The following SLC2A12 variants were observed in gnomAD, a reference collection of about 807,000 sequenced individuals.
SLC2A12 encodes the protein solute carrier family 2 member 12.
SLC2A12 carries 23 observed loss-of-function variants against 41.8 expected under a neutral mutation model. The observed-to-expected ratio is 0.55, with a 90% CI of 0.40 to 0.78. The LOEUF is 0.78. Among genes scored for constraint, SLC2A12 ranks in the 30% least tolerant of loss-of-function variants. SLC2A12 has a pLI of 0.00. For synonymous variants in SLC2A12, 295 were observed against 285.9 expected (o/e 1.03, Z -0.32); for missense variants, 654 against 745.6 (o/e 0.88, Z 1.43).
chr6:134,023,777 T>C (rs1564775), intron 2 of SLC2A12, among the ~76,000 whole-genome samples: 17,583 of 152,236 alleles, frequency 0.12, 1,982 homozygotes, highest in African/African-American at 0.29. Context: ...TTTTTAAAGT[T>C]TATCACAGCA....
intron 2 of SLC2A12, among the ~76,000 whole-genome samples, chr6:134,021,774 A>G (rs1777043510): frequency 6.6e-6 from 1 of 152,242 alleles, no homozygotes. Context: ...GAAACACACT[A>G]GTAGTTCATA....
chr6:133,997,655 A>T (rs1302933319), intron 4 of SLC2A12, among the ~76,000 whole-genome samples: 4 of 152,140 alleles, frequency 2.6e-5, no homozygotes, highest in Admixed American at 2.0e-4. Flanking sequence ...TGGAGAGGAG[A>T]GAGATGGAGG....
intron 2 of SLC2A12, among the ~76,000 whole-genome samples, chr6:134,027,161 C>G (rs1562199126): frequency 6.6e-6 from 1 of 152,142 alleles, no homozygotes; most frequent in Non-Finnish European, 1.5e-5. Context: ...TTATCCTTTC[C>G]CCAATATTTG....
chr6:134,052,487 G>A lies in SLC2A12; in HGVS notation c.-7C>T, dbSNP rs766589702. 2 of 1,611,482 alleles carry A rather than the reference G, an allele frequency of 1.2e-6. No individual in the cohort carries two copies. The highest frequency in any genetic ancestry group is 1.7e-6 in the Non-Finnish European group (2 of 1,178,992). On this transcript the variant is annotated 5_prime_UTR_variant, in exon 1 of 5. In the 5' UTR this introduces an upstream ATG that the reference lacks. Transcript: ENST00000275230. ...TGTTTTCAACAGGTACCATGGTCAC[G>A]TAGAAGTTACAGCCGCTTCCCCGCC...
chr6:134,046,854 T>G (rs1304874052), intron 1 of SLC2A12, among the ~76,000 whole-genome samples: 1 of 151,988 alleles, frequency 6.6e-6, no homozygotes, highest in Admixed American at 6.6e-5. Context: ...ATTTAGCAAA[T>G]GCATAAAATA....
At chr6:134,017,589 A>T (rs981366775) in intron 2 of SLC2A12, among the ~76,000 whole-genome samples, 3 of 152,064 alleles carry the variant, frequency 2.0e-5, no homozygotes, top group Admixed American at 2.0e-4. Context: ...ACGGTGACTC[A>T]CGCCTGTAAT....
At chr6:134,013,407 C>A (rs1407649646) in intron 2 of SLC2A12, among the ~76,000 whole-genome samples, 1 of 151,960 alleles carries the variant, frequency 6.6e-6, no homozygotes, top group Non-Finnish European at 1.5e-5. Context: ...ATAATAATTA[C>A]TATAAATGGA....
At position 134,032,473 on chromosome 6, in the gene SLC2A12, T is replaced by A. The variant is rs1337451267; in HGVS notation, c.104-2752A>T. On this transcript the variant is annotated intron_variant, in intron 1 of 4. Transcript: ENST00000275230. ...AAATATATATATATATATTTTTATATATATATATATATATTTGTTCTGTTT... is the reference window on the plus strand; with the variant it reads ...AAATATATATATATATATTTTTATAAATATATATATATATTTGTTCTGTTT... Among the ~76,000 whole-genome samples the A allele has an allele frequency of 3.9e-3, 234 of 59,818 alleles. 15 individuals are homozygous for A. Among genetic ancestry groups the A allele is most frequent in the African/African-American group, 0.011 (215 of 19,210 alleles). The allele number at this position is 59,818 out of a possible 152,430, so 39.2% of individuals were successfully genotyped here.
At chr6:134,006,746 G>A (rs927681392) in intron 3 of SLC2A12, 66 bp downstream of exon 3, 28 of 1,591,548 alleles carry the variant, frequency 1.8e-5, no homozygotes, top group Non-Finnish European at 2.1e-5. Flanking sequence ...TCTTTAGGTG[G>A]GTGTGATTCC....
At chr6:134,027,725 T>C (rs2114474285) in intron 2 of SLC2A12, among the ~76,000 whole-genome samples, 1 of 152,124 alleles carries the variant, frequency 6.6e-6, no homozygotes, top group South Asian at 2.1e-4. Context: ...CCAAGAGAGG[T>C]GTTTATACTT....
At chr6:133,993,545 C>G (rs1776649526) in intron 4 of SLC2A12, among the ~76,000 whole-genome samples, 1 of 152,128 alleles carries the variant, frequency 6.6e-6, no homozygotes, top group African/African-American at 2.4e-5. Context: ...AGGAATTGTT[C>G]CAAGTGTTGG....
At chr6:134,010,619 G>T (rs374949713) in intron 2 of SLC2A12, among the ~76,000 whole-genome samples, 4 of 152,122 alleles carry the variant, frequency 2.6e-5, no homozygotes, top group South Asian at 4.1e-4. Flanking sequence ...TGGACTTGTG[G>T]GGGGGCGGAG....
intron 1 of SLC2A12, among the ~76,000 whole-genome samples, chr6:134,044,647 A>G (rs2811684): frequency 0.58 from 86,381 of 149,132 alleles, 26,274 homozygotes; most frequent in African/African-American, 0.77. Context: ...CCAGGAGGTG[A>G]AGGTTGCAGT....
chr6:133,990,866 T>C lies in SLC2A12; in HGVS notation c.*289A>G. 3.7e-6 allele frequency: 1 copy of C among 268,510 alleles called. No individual in the cohort carries two copies. Among genetic ancestry groups the C allele is most frequent in the Non-Finnish European group, 7.0e-6 (1 of 143,526 alleles). The allele number at this position is 268,510 out of a possible 1,614,324, so 16.6% of individuals were successfully genotyped here. On this transcript the variant is annotated 3_prime_UTR_variant, in exon 5 of 5. Transcript: ENST00000275230. ...ACTAGGACATAGTCTATTCAAAGGCTGCTCTGTGAAGAAGGTAGAAAGTAT... is the reference window on the plus strand; with the variant it reads ...ACTAGGACATAGTCTATTCAAAGGCCGCTCTGTGAAGAAGGTAGAAAGTAT...
intron 1 of SLC2A12, among the ~76,000 whole-genome samples, chr6:134,034,143 T>C (rs1313337571): frequency 6.6e-6 from 1 of 152,176 alleles, no homozygotes; most frequent in African/African-American, 2.4e-5. Context: ...ATAACATATA[T>C]CTCTTTCTTG....
chr6:134,006,187 A>C (rs537165720), intron 3 of SLC2A12, among the ~76,000 whole-genome samples: 37 of 141,230 alleles, frequency 2.6e-4, no homozygotes, highest in Admixed American at 3.5e-4. Context: ...AAAAAAAAAA[A>C]AAAAACAAAA....
At chr6:133,996,307 G>A (rs1456611352) in intron 4 of SLC2A12, among the ~76,000 whole-genome samples, 3 of 152,202 alleles carry the variant, frequency 2.0e-5, no homozygotes, top group African/African-American at 7.2e-5. Flanking sequence ...AAGCTGGGGG[G>A]AAAAGTAAAT....
In SLC2A12 at chr6:133,990,435, GTCT is replaced by G. The variant is rs1776604898; in HGVS notation, c.*717_*719del. Reference sequence around the variant, plus strand: ...AATATGGTCCCAGGATTTTAAAATTGTCTTTTCTATGCATTTTTTAAAAATGGA... The same window carrying G: ...AATATGGTCCCAGGATTTTAAAATTGTTTCTATGCATTTTTTAAAAATGGA... On this transcript the variant is annotated 3_prime_UTR_variant, in exon 5 of 5. Coordinates refer to ENST00000275230, the MANE Select transcript of SLC2A12 (RefSeq NM_145176.3). The G allele has an allele frequency of 6.6e-6, 1 of 152,308 alleles. No homozygotes were observed. The highest frequency in any genetic ancestry group is 1.5e-5 in the Non-Finnish European group (1 of 67,944). The allele number at this position is 152,308 out of a possible 1,614,324, so 9.4% of individuals were successfully genotyped here. A position where few individuals can be genotyped will look rare whatever the true frequency, so the allele number is the denominator to read the frequency against.
chr6:134,047,674 G>T (rs1777478267), intron 1 of SLC2A12, among the ~76,000 whole-genome samples: 2 of 152,174 alleles, frequency 1.3e-5, no homozygotes, highest in South Asian at 4.1e-4. Flanking sequence ...GCTACCACCA[G>T]GCCTATTCCT....
Sources: gnomAD v4.1 joint callset for allele counts (sites outside exome capture counted in the v4.1 genomes callset) on GRCh38, gnomAD v4.1.1 for gene constraint, MANE v1.5 for transcripts, NCBI Gene and HGNC (gene_info 2026-07-23, HGNC 2026-07-21) for gene names.